ATP13A5: variants seen among roughly 807,000 people sequenced by gnomAD.
ATP13A5 encodes ATPase 13A5, also known as probable cation-transporting ATPase 13A5.
A neutral mutation model predicts 150.2 loss-of-function variants in ATP13A5; 149 were observed. The ratio of observed to expected loss-of-function variants is 0.99; its 90% CI spans 0.87 to 1.14. The LOEUF is 1.14. Among genes scored for constraint, ATP13A5 ranks in the 50% most tolerant of loss-of-function variants. The probability of loss-of-function intolerance (pLI) is 0.00; values close to 1 mark genes in which losing one functional copy is unlikely to be tolerated. For missense variants in ATP13A5, 1,383 were observed against 1,449.3 expected, an observed-to-expected ratio of 0.95 and a Z score of 0.74; for synonymous variants, 497 against 522.2, an observed-to-expected ratio of 0.95 and a Z score of 0.66.
chr3:193,327,480 A>C (rs1719507563), intron 12 of ATP13A5, among the ~76,000 whole-genome samples: 2 of 152,176 alleles, frequency 1.3e-5, no homozygotes, highest in African/African-American at 4.8e-5. Flanking sequence ...ACAGTTTGCC[A>C]TCTGGTTCAC....
chr3:193,292,330 T>C (rs138272092), intron 25 of ATP13A5, among the ~76,000 whole-genome samples: 57 of 152,212 alleles, frequency 3.7e-4, no homozygotes, highest in African/African-American at 1.3e-3. Flanking sequence ...GAGAGTAAAA[T>C]TGCTTCTCTG....
intron 19 of ATP13A5, 70 bp from the exon 20 acceptor site, chr3:193,312,011 A>G: frequency 6.4e-7 from 1 of 1,565,270 alleles, no homozygotes. Context: ...TGCGTTATTG[A>G]AGGAAGAGTT....
Position 193,343,918 on chromosome 3 carries a change from A to G in ATP13A5, c.943+9T>C. 1.9e-6 allele frequency: 3 copies of G among 1,611,116 alleles called. No individual in the cohort carries two copies. Among genetic ancestry groups the G allele is most frequent in the Non-Finnish European group, 2.5e-6 (3 of 1,178,472 alleles). The stretch of plus-strand genomic sequence containing the variant: ...ACAGGGAAGAGGAAGCTCCATGACA[A>G]CTGCCTACCTGTAAGCATGCCTTCA... On this transcript the variant is annotated intron_variant, in intron 9 of 29. Transcript: ENST00000342358.
Position 193,310,642 on chromosome 3 carries a change from AT to A in ATP13A5, c.2520del (p.Lys840AsnfsTer2), listed in dbSNP as rs772776861. ...CTTTCATGCCATGACACCTACTTTA[AT>A]TTCTGAAATTCTTCAATAAGGCTTG... is the stretch of plus-strand genomic sequence containing the variant. ...QKSSLIEEFQKLNYYVGMCGD... is the reference protein window; with the variant it reads ...QKSSLIEEFQXLNYYVGMCGD... On this transcript the variant is annotated frameshift_variant, in exon 21 of 30. Transcript: ENST00000342358. LOFTEE classifies it high-confidence loss of function. 24 of 1,605,410 alleles carry A rather than the reference AT, an allele frequency of 1.5e-5. No homozygotes were observed. The East Asian group carries it at 5.4e-4, about 36-fold the overall frequency.
Position 193,281,233 on chromosome 3 carries a change from C to T in ATP13A5, c.3227-1779G>A, listed in dbSNP as rs561997424. On this transcript the variant is annotated intron_variant, in intron 27 of 29. Transcript: ENST00000342358. ...AACGCAGAAGCTGGGAAGAAGAGGA[C>T]GCCTGAAAGGTCTGTTCTGATGAAG... 4.8e-5 allele frequency: 47 copies of T among 984,796 alleles called. No individual in the cohort carries two copies. The African/African-American group carries it at 5.9e-4, about 12-fold the overall frequency. 61.0% of individuals were successfully genotyped at this position (984,796 alleles called of 1,614,324 possible). A position where few individuals can be genotyped will look rare whatever the true frequency, so the allele number is the denominator to read the frequency against.
chr3:193,327,992 TC>T (rs1719528995), intron 12 of ATP13A5, among the ~76,000 whole-genome samples: 1 of 152,238 alleles, frequency 6.6e-6, no homozygotes, highest in African/African-American at 2.4e-5. Context: ...TTTCTAGTTT[TC>T]TATAAAATGG....
rs563783815 is a variant in ATP13A5 at position 193,275,925 on chromosome 3, G to T, written c.3397-623C>A. ...ACGTAGGTACAATATGATTAATAAT[G>T]ATTTTTAGTGACTAGCATTTCCTCA... On this transcript the variant is annotated intron_variant, in intron 29 of 29. Transcript: ENST00000342358. Among the ~76,000 whole-genome samples the T allele has an allele frequency of 9.9e-5, 15 of 152,188 alleles. No individual in the cohort carries two copies. The South Asian group carries it at 2.3e-3, about 23-fold the overall frequency.
chr3:193,289,781 G>T (rs1005776566), intron 26 of ATP13A5, 104 bp downstream of exon 26: 22 of 1,099,384 alleles, frequency 2.0e-5, no homozygotes, highest in Admixed American at 2.9e-5. Context: ...GACACAATTT[G>T]ATTAATTAAA....
In ATP13A5 at chr3:193,333,925, T is replaced by C. The variant is rs755951536; in HGVS notation, c.1115-18A>G. ...ATTGTAACCTACATAAAGATAATCA[T>C]AGATCAAGTAAGGCTGCTTGATGGA... On this transcript the variant is annotated intron_variant, in intron 10 of 29. Transcript: ENST00000342358. 6 of 1,605,068 alleles carry C rather than the reference T, an allele frequency of 3.7e-6. No individual in the cohort carries two copies. In the African/African-American group the frequency reaches 4.0e-5, roughly 11 times the overall value.
intron 7 of ATP13A5, among the ~76,000 whole-genome samples, chr3:193,350,053 T>C (rs1398395970): frequency 6.6e-6 from 1 of 152,068 alleles, no homozygotes. Flanking sequence ...TCATGGAATA[T>C]TATAGTATTA....
intron 5 of ATP13A5, among the ~76,000 whole-genome samples, chr3:193,360,270 A>G (rs1712954972): frequency 6.6e-6 from 1 of 151,388 alleles, no homozygotes; most frequent in Non-Finnish European, 1.5e-5. Flanking sequence ...TTCGCTACTG[A>G]AAAGTGAGAA....
At position 193,333,808 on chromosome 3, in the gene ATP13A5, A is replaced by T; in HGVS notation, c.1214T>A (p.Leu405Gln). The T allele has an allele frequency of 6.2e-7, 1 of 1,614,008 alleles. No homozygotes were observed. Among genetic ancestry groups the T allele is most frequent in the Non-Finnish European group, 8.5e-7 (1 of 1,179,890 alleles). ...YSDAFKFIVFLACLGVMGFFY... is the reference protein window; with the variant it reads ...YSDAFKFIVFQACLGVMGFFY... ...AAAACCCATGACACCAAGGCAGGCCAGGAACACGATGAACTTGAAGGCATC... is the reference window on the plus strand; with the variant it reads ...AAAACCCATGACACCAAGGCAGGCCTGGAACACGATGAACTTGAAGGCATC... The change falls in exon 11 of 30, where the codon CTG becomes CAG. Residue 405 changes from leucine (L) to glutamine (Q), a missense_variant. Around this residue, in one of 3 missense-constraint regions of ATP13A5, gnomAD observed 787 missense variants for 771.9 expected, o/e 1.02. Transcript: ENST00000342358.
chr3:193,285,367 T>G (rs1717678014), intron 26 of ATP13A5, among the ~76,000 whole-genome samples: 1 of 152,314 alleles, frequency 6.6e-6, no homozygotes, highest in East Asian at 1.9e-4. Flanking sequence ...GACAATATTT[T>G]ATGAATTCCT....
At chr3:193,319,621 C>T (rs1719185256) in intron 16 of ATP13A5, among the ~76,000 whole-genome samples, 1 of 152,220 alleles carries the variant, frequency 6.6e-6, no homozygotes, top group Admixed American at 6.5e-5. Context: ...GTTGTTCAAG[C>T]ACGCAGTCTA....
At chr3:193,311,464 CCTGACATGAG>C (rs1415478738) in intron 20 of ATP13A5, among the ~76,000 whole-genome samples, 1 of 152,126 alleles carries the variant, frequency 6.6e-6, no homozygotes, top group South Asian at 2.1e-4. Flanking sequence ...TAGAGCTTAG[CCTGACATGAG>C]CTGGTTGGTT....
At chr3:193,367,696 C>T (rs1458165915) in intron 1 of ATP13A5, among the ~76,000 whole-genome samples, 1 of 152,086 alleles carries the variant, frequency 6.6e-6, no homozygotes, top group Admixed American at 6.5e-5. Context: ...TTTGCCATTC[C>T]ATGCACTTCA....
intron 13 of ATP13A5, among the ~76,000 whole-genome samples, chr3:193,326,094 C>A (rs1239315483): frequency 6.6e-6 from 1 of 152,158 alleles, no homozygotes; most frequent in Admixed American, 6.5e-5. Flanking sequence ...TTGTGCCATG[C>A]TTTACCTGGC....
chr3:193,368,911 AAAAG>A (rs1208096525), intron 1 of ATP13A5, among the ~76,000 whole-genome samples: 9 of 152,202 alleles, frequency 5.9e-5, no homozygotes, highest in Admixed American at 5.2e-4. Flanking sequence ...ACAGAAAATA[AAAAG>A]AAAGACAAAA....
intron 9 of ATP13A5, among the ~76,000 whole-genome samples, chr3:193,343,427 G>A (rs996341563): frequency 2.0e-5 from 3 of 152,184 alleles, no homozygotes; most frequent in Non-Finnish European, 4.4e-5. Context: ...AGAACTGTGC[G>A]ATCGTCTTTG....
Sources: gnomAD v4.1 joint callset for allele counts (sites outside exome capture counted in the v4.1 genomes callset) on GRCh38, gnomAD v4.1.1 for gene constraint, gnomAD v4.1.1 regional missense constraint, MANE v1.5 for transcripts, NCBI Gene and HGNC (gene_info 2026-07-23, HGNC 2026-07-21) for gene names.